CAPN8: variants seen among roughly 807,000 people sequenced by gnomAD.
CAPN8 encodes calpain 8, also known as calpain-8.
CAPN8 carries 87 observed loss-of-function variants against 80.9 expected under a neutral mutation model. The ratio of observed to expected loss-of-function variants is 1.07; its 90% CI spans 0.90 to 1.28. CAPN8 has a LOEUF of 1.28. Among genes scored for constraint, CAPN8 ranks in the 50% most tolerant of loss-of-function variants. The probability of loss-of-function intolerance (pLI) is 0.00; values close to 1 mark genes in which losing one functional copy is unlikely to be tolerated. For missense variants in CAPN8, 757 were observed against 702.0 expected, an observed-to-expected ratio of 1.08 and a Z score of -0.89; for synonymous variants, 299 against 273.8, an observed-to-expected ratio of 1.09 and a Z score of -0.91.
At chr1:223,543,009 T>A in intron 20 of CAPN8, 99 bp downstream of exon 20, 1 of 1,371,518 alleles carries the variant, frequency 7.3e-7, no homozygotes, top group Non-Finnish European at 1.0e-6. Flanking sequence ...CACATGGAAC[T>A]AAGACAGCCA....
intron 4 of CAPN8, among the ~76,000 whole-genome samples, chr1:223,627,799 G>A (rs538141206): frequency 2.0e-5 from 3 of 152,280 alleles, no homozygotes; most frequent in East Asian, 1.9e-4. Context: ...ACATTCACCC[G>A]AGGCAGAGCT....
chr1:223,643,499 T>C (rs575639155), intron 2 of CAPN8, among the ~76,000 whole-genome samples: 21 of 152,296 alleles, frequency 1.4e-4, no homozygotes, highest in African/African-American at 4.8e-4. Flanking sequence ...GAAAACGAGA[T>C]ACTTTGAGGC....
At chr1:223,625,661 A>G in intron 6 of CAPN8, 144 bp downstream of exon 6, 2 of 642,348 alleles carry the variant, frequency 3.1e-6, no homozygotes, top group Non-Finnish European at 5.7e-6. Context: ...CTGTACAGGC[A>G]GAGTGCATCC....
intron 11 of CAPN8, among the ~76,000 whole-genome samples, chr1:223,610,969 G>T (rs1055110758): frequency 5.3e-5 from 8 of 152,026 alleles, no homozygotes; most frequent in Non-Finnish European, 1.2e-4. Context: ...GCTTCAACAC[G>T]CCCTCTAGGG....
chr1:223,630,807 A>G (rs1271734170), intron 2 of CAPN8, among the ~76,000 whole-genome samples: 1 of 152,188 alleles, frequency 6.6e-6, no homozygotes, highest in Non-Finnish European at 1.5e-5. Flanking sequence ...ATGGGCTGGC[A>G]TGAGTTATGT....
At chr1:223,654,095 T>G (rs1658413889) in intron 2 of CAPN8, among the ~76,000 whole-genome samples, 1 of 152,194 alleles carries the variant, frequency 6.6e-6, no homozygotes, top group African/African-American at 2.4e-5. Context: ...TTAAATGAAC[T>G]GGCAAAATCT....
intron 2 of CAPN8, among the ~76,000 whole-genome samples, chr1:223,646,612 A>T (rs1490569847): frequency 6.6e-6 from 1 of 152,230 alleles, no homozygotes; most frequent in Non-Finnish European, 1.5e-5. Flanking sequence ...CGTTGTCTTC[A>T]GATCTCTTTT....
intron 6 of CAPN8, among the ~76,000 whole-genome samples, chr1:223,623,398 TAAAG>T (rs1430032675): frequency 6.6e-6 from 1 of 152,200 alleles, no homozygotes. Context: ...ATCTGAGACT[TAAAG>T]AAGTTACATT....
intron 16 of CAPN8, among the ~76,000 whole-genome samples, chr1:223,545,878 C>G (rs1055606135): frequency 1.8e-4 from 24 of 134,118 alleles, no homozygotes; most frequent in Non-Finnish European, 3.7e-4. Flanking sequence ...GGCTGGAGTA[C>G]AGTGGTGTGA....
intron 7 of CAPN8, among the ~76,000 whole-genome samples, chr1:223,621,193 G>A (rs1657379449): frequency 6.6e-6 from 1 of 151,710 alleles, no homozygotes; most frequent in Non-Finnish European, 1.5e-5. Flanking sequence ...GATTAGGGCA[G>A]GAGTTGGAAA....
chr1:223,622,256 T>A (rs1657421226), intron 7 of CAPN8, among the ~76,000 whole-genome samples: 1 of 152,110 alleles, frequency 6.6e-6, no homozygotes, highest in South Asian at 2.1e-4. Context: ...CATCACCACC[T>A]CTGACTGACT....
chr1:223,634,563 C>T (rs1480452543), intron 2 of CAPN8, among the ~76,000 whole-genome samples: 1 of 152,202 alleles, frequency 6.6e-6, no homozygotes, highest in Non-Finnish European at 1.5e-5. Flanking sequence ...ATACCATACA[C>T]TTGATGCCTT....
chr1:223,545,237 C>A lies in CAPN8; in HGVS notation c.1827G>T (p.Lys609Asn). ...EFKTLWLKIQ[K>N]YLEIYWETDY... ...AGAAGGAAAAGAGAGTTACCAGATA[C>A]TTCTGAATCTTCAGCCAGAGCGTCT... The change falls in exon 17 of 21, where the codon AAG becomes AAT. Residue 609 changes from lysine to asparagine, a missense_variant. Transcript: ENST00000366872. The A allele has an allele frequency of 6.4e-7, 1 of 1,551,716 alleles. No homozygotes were observed. The highest frequency in any genetic ancestry group is 8.7e-7 in the Non-Finnish European group (1 of 1,146,974).
intron 1 of CAPN8, among the ~76,000 whole-genome samples, chr1:223,656,755 C>T (rs2102737935): frequency 6.9e-6 from 1 of 145,756 alleles, no homozygotes; most frequent in East Asian, 2.1e-4. Context: ...GCGATCTCGG[C>T]TCACTGCAAG....
chr1:223,617,655 T>C (rs1657241073), intron 9 of CAPN8: 1 of 152,242 alleles, frequency 6.6e-6, no homozygotes, highest in Non-Finnish European at 1.5e-5. Flanking sequence ...ATCCATACAT[T>C]TTTTGTTTAC....
At chr1:223,644,932 A>G (rs890755099) in intron 2 of CAPN8, among the ~76,000 whole-genome samples, 1 of 152,196 alleles carries the variant, frequency 6.6e-6, no homozygotes, top group South Asian at 2.1e-4. Flanking sequence ...ATAGAGATGT[A>G]TATATGAAAG....
In CAPN8 at chr1:223,622,533, A is replaced by G. The variant is rs976099920; in HGVS notation, c.899+282T>C. ...TTTGGACCAGCACGGTGCGTCAGGT[A>G]AAAAACACAAAAACCTTTCAGCGCA... is the stretch of plus-strand genomic sequence containing the variant. On this transcript the variant is annotated intron_variant, in intron 7 of 20. Coordinates refer to ENST00000366872, the MANE Select transcript of CAPN8 (RefSeq NM_001143962.2). 6.1e-5 allele frequency: 29 copies of G among 477,868 alleles called. No individual in the cohort carries two copies. The South Asian group carries it at 7.0e-4, about 12-fold the overall frequency. 29.6% of individuals were successfully genotyped at this position (477,868 alleles called of 1,614,324 possible). A position where few individuals can be genotyped will look rare whatever the true frequency, so the allele number is the denominator to read the frequency against.
chr1:223,622,487 CTG>C (rs1196202004), intron 7 of CAPN8: 1 of 324,840 alleles, frequency 3.1e-6, no homozygotes, highest in Non-Finnish European at 5.7e-6. Flanking sequence ...AAGAAACAGA[CTG>C]TGAGTGATCG....
intron 2 of CAPN8, 193 bp from the exon 3 acceptor site, chr1:223,628,973 T>C (rs1449033627): frequency 3.5e-6 from 2 of 574,786 alleles, no homozygotes; most frequent in Non-Finnish European, 6.2e-6. Flanking sequence ...ATTTGTTTAC[T>C]CGGGAGTGGA....
Sources: gnomAD v4.1 joint callset for allele counts (sites outside exome capture counted in the v4.1 genomes callset) on GRCh38, gnomAD v4.1.1 for gene constraint, MANE v1.5 for transcripts, NCBI Gene and HGNC (gene_info 2026-07-23, HGNC 2026-07-21) for gene names.